Variants in PRDM16 observed in about 807,000 individuals in gnomAD.
The protein encoded by PRDM16 is histone-lysine N-methyltransferase PRDM16.
PRDM16 carries 23 observed loss-of-function variants against 110.6 expected under a neutral mutation model. The ratio of observed to expected loss-of-function variants is 0.21; its 90% CI spans 0.15 to 0.29. The LOEUF (loss-of-function observed/expected upper bound fraction) is 0.29, where lower values mean the gene tolerates loss of function less well. Among genes scored for constraint, PRDM16 ranks in the 10% least tolerant of loss-of-function variants. The pLI is 1.00. For missense variants in PRDM16, 1,615 were observed against 1,794.3 expected (o/e 0.90, Z 1.81); for synonymous variants, 799 against 781.8 (o/e 1.02, Z -0.37).
chr1:3,429,614 G>A (rs1638710754), intron 14 of PRDM16, among the ~76,000 whole-genome samples: 1 of 152,208 alleles, frequency 6.6e-6, no homozygotes, highest in African/African-American at 2.4e-5. Flanking sequence ...CCAACAACCA[G>A]GGTGAGAACC....
At chr1:3,322,374 A>G (rs2100460734) in intron 3 of PRDM16, among the ~76,000 whole-genome samples, 2 of 152,232 alleles carry the variant, frequency 1.3e-5, no homozygotes, top group South Asian at 4.2e-4. Flanking sequence ...GAGCCTATAA[A>G]TCTCACGCTC....
At chr1:3,302,639 A>G (rs1641230557) in intron 3 of PRDM16, among the ~76,000 whole-genome samples, 1 of 152,258 alleles carries the variant, frequency 6.6e-6, no homozygotes, top group Admixed American at 6.5e-5. Context: ...ATGTAATTCT[A>G]CATCAGGCAC....
intron 3 of PRDM16, among the ~76,000 whole-genome samples, chr1:3,378,992 C>A (rs1643044429): frequency 1.3e-5 from 2 of 151,892 alleles, no homozygotes; most frequent in African/African-American, 4.8e-5. Flanking sequence ...GGTCAGGCAT[C>A]TCAGGGGAGA....
At position 3,247,015 on chromosome 1, in the gene PRDM16, G is replaced by C. The variant is rs2455098; in HGVS notation, c.438+2878G>C. 1.5e-3 allele frequency among the ~76,000 whole-genome samples: 233 copies of C among 152,220 alleles called. 3 individuals carry two copies. Among genetic ancestry groups the C allele is most frequent in the African/African-American group, 5.3e-3 (220 of 41,530 alleles). On this transcript the variant is annotated intron_variant, in intron 3 of 16. Coordinates refer to ENST00000270722, the MANE Select transcript of PRDM16 (RefSeq NM_022114.4). ...GATTGCTGCCGTAACTGTGCGCACCGCGGTGCTGTTTTCAGGATGAATTCA... is the reference window on the plus strand; with the variant it reads ...GATTGCTGCCGTAACTGTGCGCACCCCGGTGCTGTTTTCAGGATGAATTCA...
intron 1 of PRDM16, among the ~76,000 whole-genome samples, chr1:3,162,931 G>T: frequency 7.0e-6 from 1 of 142,816 alleles, no homozygotes; most frequent in African/African-American, 2.7e-5. Flanking sequence ...TTGGGAGAGG[G>T]GATGTGCGCA....
intron 2 of PRDM16, chr1:3,207,788 A>T (rs1043277062): frequency 6.6e-6 from 1 of 152,212 alleles, no homozygotes; most frequent in Non-Finnish European, 1.5e-5. Flanking sequence ...TCTGACTCCA[A>T]GGCCGTCTCC....
rs1028606710 is a variant in PRDM16, at chr1:3,436,581, A to G, written c.*2770A>G. ...CTTATTTCCTGGGCTGGTGCGCCCC[A>G]AAACACGGCCCCGACACTTAGTGTG... On this transcript the variant is annotated 3_prime_UTR_variant, in exon 17 of 17. Coordinates refer to ENST00000270722, the MANE Select transcript of PRDM16 (RefSeq NM_022114.4). 14 of 231,874 alleles carry G rather than the reference A, an allele frequency of 6.0e-5. No individual in the cohort carries two copies. The highest frequency in any genetic ancestry group is 1.2e-4 in the Non-Finnish European group (14 of 117,272). 14.4% of individuals were successfully genotyped at this position (231,874 alleles called of 1,614,324 possible).
chr1:3,189,595 T>C (rs754724381), intron 2 of PRDM16, among the ~76,000 whole-genome samples: 4 of 152,252 alleles, frequency 2.6e-5, no homozygotes, highest in Non-Finnish European at 4.4e-5. Flanking sequence ...TTGACTTTAC[T>C]GTAATGTCCA....
Position 3,435,813 on chromosome 1 carries a change from G to A in PRDM16, c.*2002G>A, listed in dbSNP as rs936788855. On this transcript the variant is annotated 3_prime_UTR_variant, in exon 17 of 17. Transcript: ENST00000270722. ...CAGGCTTGCACTGAAGACGTGCCAC[G>A]GGGAGGCTCCTGCAGGAGGCTCAAC... is the stretch of plus-strand genomic sequence containing the variant. The A allele has an allele frequency of 1.7e-5, 4 of 232,156 alleles. No individual in the cohort carries two copies. Among genetic ancestry groups the A allele is most frequent in the South Asian group, 1.8e-4 (1 of 5,512 alleles). The allele number at this position is 232,156 out of a possible 1,614,324, so 14.4% of individuals were successfully genotyped here. A position where few individuals can be genotyped will look rare whatever the true frequency, so the allele number is the denominator to read the frequency against.
rs1197036088 is a variant in PRDM16 at position 3,147,304 on chromosome 1, A to C, written c.38-38821A>C. On this transcript the variant is annotated intron_variant, in intron 1 of 16. Transcript: ENST00000270722. ...ATAATTCTGGACTTAGAAGGAAAAGAAAGCCTTGAGGTCTGGGGTGTGTGA... is the reference window on the plus strand; with the variant it reads ...ATAATTCTGGACTTAGAAGGAAAAGCAAGCCTTGAGGTCTGGGGTGTGTGA... Among the ~76,000 whole-genome samples the C allele has an allele frequency of 2.6e-5, 4 of 151,926 alleles. No individual in the cohort carries two copies. The East Asian group carries it at 7.8e-4, about 29-fold the overall frequency.
At chr1:3,296,706 A>C (rs756574783) in intron 3 of PRDM16, among the ~76,000 whole-genome samples, 4 of 152,202 alleles carry the variant, frequency 2.6e-5, no homozygotes, top group Non-Finnish European at 5.9e-5. Context: ...AGAGGGGCTG[A>C]GTAGGAAAGG....
chr1:3,240,011 A>G (rs1055301408), intron 2 of PRDM16, among the ~76,000 whole-genome samples: 3 of 140,628 alleles, frequency 2.1e-5, no homozygotes, highest in Non-Finnish European at 4.6e-5. Flanking sequence ...GGAAGGAAAG[A>G]TGGAGAGAGA....
intron 3 of PRDM16, among the ~76,000 whole-genome samples, chr1:3,312,843 G>T (rs1164149891): frequency 6.6e-6 from 1 of 152,244 alleles, no homozygotes; most frequent in African/African-American, 2.4e-5. Context: ...TTGAACACTT[G>T]TGATCCTAAC....
intron 3 of PRDM16, among the ~76,000 whole-genome samples, 177 bp from the exon 4 acceptor site, chr1:3,384,975 T>C (rs1210944274): frequency 4.6e-5 from 7 of 152,128 alleles, no homozygotes; most frequent in African/African-American, 7.2e-5. Context: ...CTCCCGGGCA[T>C]GGGCAGGCTG....
In PRDM16 at chr1:3,290,712, G is replaced by A. The variant is rs1640953784; in HGVS notation, c.438+46575G>A. Among the ~76,000 whole-genome samples, 2 of 152,146 alleles carry A rather than the reference G, an allele frequency of 1.3e-5. No individual in the cohort carries two copies. The highest frequency in any genetic ancestry group is 6.5e-5 in the Admixed American group (1 of 15,278). ...AAACAACAGGGCTCCAGGGGGACGT[G>A]CAGGGAGTGGAAGAAACTCAAGCCG... On this transcript the variant is annotated intron_variant, in intron 3 of 16. Transcript: ENST00000270722. This position sits in a 1 kb window ranked among gnomAD's most constrained non-coding sequence, Gnocchi z 4.8.
chr1:3,152,330 A>G (rs1214645207), intron 1 of PRDM16, among the ~76,000 whole-genome samples: 1 of 150,724 alleles, frequency 6.6e-6, no homozygotes, highest in Non-Finnish European at 1.5e-5. Flanking sequence ...CCATCCATCC[A>G]TCCATTTATC....
rs141618708 is a variant in PRDM16, at chr1:3,333,143, A to T, written c.439-52009A>T. ...CACACGGCCTTACTCCTCAGCTTAC[A>T]GTGGCAGAGTCCAGGCAGCAAGGTG... is the stretch of plus-strand genomic sequence containing the variant. On this transcript the variant is annotated intron_variant, in intron 3 of 16. Coordinates refer to ENST00000270722, the MANE Select transcript of PRDM16 (RefSeq NM_022114.4). Among the ~76,000 whole-genome samples the T allele has an allele frequency of 3.1e-3, 470 of 152,282 alleles. 3 individuals carry two copies. The highest frequency in any genetic ancestry group is 0.011 in the African/African-American group (453 of 41,548).
chr1:3,182,157 A>G (rs889097877), intron 1 of PRDM16, among the ~76,000 whole-genome samples: 4 of 152,130 alleles, frequency 2.6e-5, no homozygotes, highest in Admixed American at 6.5e-5. Flanking sequence ...TCTCTTTAAA[A>G]CCACATGATG....
In PRDM16 at chr1:3,347,893, C is replaced by T. The variant is rs552581036; in HGVS notation, c.439-37259C>T. Among the ~76,000 whole-genome samples the T allele has an allele frequency of 8.5e-5, 13 of 152,278 alleles. 1 individual carries two copies. The highest frequency in any genetic ancestry group is 2.4e-4 in the African/African-American group (10 of 41,554). On this transcript the variant is annotated intron_variant, in intron 3 of 16. Transcript: ENST00000270722. ...CTTGTGCAAAGCAGCTGCCCGAGCC[C>T]ATCCCCTGTGACTTCAGGGTCCTGG...
Sources: gnomAD v4.1 joint callset for allele counts (sites outside exome capture counted in the v4.1 genomes callset) on GRCh38, gnomAD v4.1.1 for gene constraint, Gnocchi (gnomAD v3.1) non-coding constraint, MANE v1.5 for transcripts, NCBI Gene and HGNC (gene_info 2026-07-23, HGNC 2026-07-21) for gene names.